The following FGGY variants were observed in gnomAD, a reference collection of about 807,000 sequenced individuals.
The protein encoded by FGGY is FGGY carbohydrate kinase domain-containing protein.
A neutral mutation model predicts 71.3 loss-of-function variants in FGGY; 72 were observed. The observed-to-expected ratio is 1.01, with a 90% CI of 0.84 to 1.23. The LOEUF (loss-of-function observed/expected upper bound fraction) is 1.23, where lower values mean the gene tolerates loss of function less well. Among genes scored for constraint, FGGY ranks in the 50% most tolerant of loss-of-function variants. The probability of loss-of-function intolerance (pLI) is 0.00; values close to 1 mark genes in which losing one functional copy is unlikely to be tolerated. For synonymous variants in FGGY, 251 were observed against 250.3 expected (o/e 1.00, Z -0.02); for missense variants, 668 against 682.3 (o/e 0.98, Z 0.23).
rs6699499 is a variant in FGGY at position 59,546,598 on chromosome 1, C to T, written c.800-7526C>T. The stretch of plus-strand genomic sequence containing the variant: ...GTTTCCCAGTGCAATGGCGCGATCT[C>T]GGCTCACTGCAATCTCCGGCTCAGT... On this transcript the variant is annotated intron_variant, in intron 7 of 15. Coordinates refer to ENST00000303721, the MANE Select transcript of FGGY (RefSeq NM_018291.5). Among the ~76,000 whole-genome samples the T allele has an allele frequency of 1.3e-3, 200 of 151,992 alleles. 2 individuals are homozygous for T. The highest frequency in any genetic ancestry group is 4.5e-3 in the African/African-American group (187 of 41,420).
chr1:59,639,481 T>C (rs2096996953), intron 11 of FGGY, among the ~76,000 whole-genome samples: 1 of 152,164 alleles, frequency 6.6e-6, no homozygotes, highest in South Asian at 2.1e-4. Context: ...TGGTGTCCTT[T>C]TTTATAGAGG....
At chr1:59,427,658 C>G (rs1323911009) in intron 5 of FGGY, among the ~76,000 whole-genome samples, 1 of 152,176 alleles carries the variant, frequency 6.6e-6, no homozygotes, top group African/African-American at 2.4e-5. Flanking sequence ...GGGGGCCTGT[C>G]TGAATAAGAT....
At chr1:59,374,536 C>T (rs1022627841) in intron 4 of FGGY, among the ~76,000 whole-genome samples, 5 of 152,064 alleles carry the variant, frequency 3.3e-5, no homozygotes, top group Admixed American at 2.6e-4. Flanking sequence ...CCATTTGACC[C>T]AGCCATCCCA....
At chr1:59,488,129 A>G (rs1008630489) in intron 6 of FGGY, among the ~76,000 whole-genome samples, 3 of 152,150 alleles carry the variant, frequency 2.0e-5, no homozygotes, top group Non-Finnish European at 4.4e-5. Flanking sequence ...ATTCTTTAGA[A>G]GCATAATTTT....
chr1:59,643,700 G>A lies in FGGY; in HGVS notation c.1221+5325G>A, dbSNP rs368675228. Among the ~76,000 whole-genome samples, 6 of 152,332 alleles carry A rather than the reference G, an allele frequency of 3.9e-5. No individual in the cohort carries two copies. In the East Asian group the frequency reaches 9.6e-4, roughly 24 times the overall value. On this transcript the variant is annotated intron_variant, in intron 11 of 15. Coordinates refer to ENST00000303721, the MANE Select transcript of FGGY (RefSeq NM_018291.5). ...CACTGAAGAAAATAAGATCAAGGCT[G>A]TCATAAGACATAACATATGTTTTAA...
At chr1:59,552,093 A>C (rs1360845059) in intron 7 of FGGY, among the ~76,000 whole-genome samples, 1 of 152,164 alleles carries the variant, frequency 6.6e-6, no homozygotes, top group Non-Finnish European at 1.5e-5. Flanking sequence ...GGAGGGACTA[A>C]GGAGGGAGGA....
intron 6 of FGGY, among the ~76,000 whole-genome samples, chr1:59,474,717 C>G (rs2093172356): frequency 6.6e-6 from 1 of 152,194 alleles, no homozygotes; most frequent in South Asian, 2.1e-4. Flanking sequence ...TCTAGGAACA[C>G]ACTGATCAAG....
At chr1:59,586,492 C>T (rs1239054762) in intron 8 of FGGY, among the ~76,000 whole-genome samples, 1 of 152,042 alleles carries the variant, frequency 6.6e-6, no homozygotes, top group Non-Finnish European at 1.5e-5. Context: ...GAACATCACA[C>T]ACCGGGGCCT....
At chr1:59,678,828 A>T (rs1481160791) in intron 14 of FGGY, among the ~76,000 whole-genome samples, 1 of 152,246 alleles carries the variant, frequency 6.6e-6, no homozygotes, top group Non-Finnish European at 1.5e-5. Context: ...CAGTGACAAG[A>T]GATCAAAATG....
intron 10 of FGGY, among the ~76,000 whole-genome samples, chr1:59,631,878 T>C (rs190476761): frequency 5.3e-5 from 8 of 152,344 alleles, no homozygotes; most frequent in African/African-American, 1.9e-4. Flanking sequence ...TATTTCACTC[T>C]TTAGCAGAGA....
intron 8 of FGGY, among the ~76,000 whole-genome samples, chr1:59,581,455 AT>A (rs1247857764): frequency 2.7e-5 from 4 of 149,970 alleles, no homozygotes; most frequent in Non-Finnish European, 5.9e-5. Flanking sequence ...TCATTATAAC[AT>A]TGCTTCTGTT....
At chr1:59,448,817 T>C (rs2071950275) in intron 5 of FGGY, among the ~76,000 whole-genome samples, 1 of 152,060 alleles carries the variant, frequency 6.6e-6, no homozygotes, top group Non-Finnish European at 1.5e-5. Context: ...TAAAATAAAA[T>C]AATAACATTC....
intron 5 of FGGY, among the ~76,000 whole-genome samples, chr1:59,435,267 T>C (rs2068184661): frequency 6.6e-6 from 1 of 152,174 alleles, no homozygotes; most frequent in African/African-American, 2.4e-5. Flanking sequence ...GAAGCCAGTA[T>C]CTGGGGAATA....
chr1:59,408,326 C>T (rs2063071685), intron 5 of FGGY, among the ~76,000 whole-genome samples: 1 of 152,152 alleles, frequency 6.6e-6, no homozygotes, highest in South Asian at 2.1e-4. Context: ...ATAAAATATG[C>T]TATTAATATG....
chr1:59,527,269 T>G (rs1171042267), intron 7 of FGGY, among the ~76,000 whole-genome samples: 2 of 152,218 alleles, frequency 1.3e-5, no homozygotes, highest in Non-Finnish European at 2.9e-5. Context: ...TTTGTCAGGC[T>G]CTGGGGAGGA....
At chr1:59,346,103 T>C in intron 3 of FGGY, 144 bp from the exon 4 acceptor site, 1 of 1,029,158 alleles carries the variant, frequency 9.7e-7, no homozygotes, top group Non-Finnish European at 1.4e-6. Flanking sequence ...TCAGCCTTGC[T>C]GGTGTCCTTT....
chr1:59,472,048 C>A (rs1431268656), intron 6 of FGGY, among the ~76,000 whole-genome samples: 1 of 152,248 alleles, frequency 6.6e-6, no homozygotes, highest in East Asian at 1.9e-4. Flanking sequence ...GCCCTTCAGC[C>A]CGCCGCTGCA....
At chr1:59,683,054 TA>T (rs2097516858) in intron 14 of FGGY, among the ~76,000 whole-genome samples, 1 of 152,216 alleles carries the variant, frequency 6.6e-6, no homozygotes, top group African/African-American at 2.4e-5. Context: ...TAGGTAATGA[TA>T]AAAACGCTGG....
chr1:59,588,683 C>T (rs146902423), intron 8 of FGGY, among the ~76,000 whole-genome samples: 1 of 152,084 alleles, frequency 6.6e-6, no homozygotes, highest in Admixed American at 6.5e-5. Flanking sequence ...CATATCCAGC[C>T]AAACTAAGCT....
Sources: gnomAD v4.1 joint callset for allele counts (sites outside exome capture counted in the v4.1 genomes callset) on GRCh38, gnomAD v4.1.1 for gene constraint, MANE v1.5 for transcripts, NCBI Gene and HGNC (gene_info 2026-07-23, HGNC 2026-07-21) for gene names.